Variants in ZNF76 observed in about 807,000 individuals in gnomAD.
ZNF76 encodes zinc finger protein 76.
Under a neutral mutation model 66.9 loss-of-function variants are expected in ZNF76, and 66 were observed. That is an observed-to-expected ratio of 0.99 (90% confidence interval 0.81 to 1.21). The LOEUF (loss-of-function observed/expected upper bound fraction) is 1.21. Among genes scored for constraint, ZNF76 ranks in the 50% most tolerant of loss-of-function variants. The probability of loss-of-function intolerance (pLI) is 0.00; values close to 1 mark genes in which losing one functional copy is unlikely to be tolerated. For missense variants in ZNF76, 729 were observed against 760.3 expected, an observed-to-expected ratio of 0.96 and a Z score of 0.48; for synonymous variants, 275 against 296.1, an observed-to-expected ratio of 0.93 and a Z score of 0.73.
chr6:35,267,228 G>A (rs564919059), intron 1 of ZNF76, among the ~76,000 whole-genome samples: 6 of 152,232 alleles, frequency 3.9e-5, no homozygotes, highest in Non-Finnish European at 5.9e-5. Context: ...CTCCTGAGTA[G>A]CTGGGACTAC....
At chr6:35,259,615 G>C (rs561483627), upstream of ZNF76, 1 of 151,688 alleles carries the variant, frequency 6.6e-6, no homozygotes, top group Non-Finnish European at 1.5e-5. Context: ...GCGGCGAAGC[G>C]GGGGGCGGGG....
At position 35,292,022 on chromosome 6, in the gene ZNF76, A is replaced by C; in HGVS notation, c.931+285A>C. ...CCCTGAGTTCTCCAACTCTGACTGA[A>C]CTCTTGAAAAGAGGCCAGGGTCAGG... On this transcript the variant is annotated intron_variant, in intron 9 of 13. Transcript: ENST00000373953. This position sits in a 1 kb window ranked among gnomAD's most constrained non-coding sequence, Gnocchi z 4.7. The C allele has an allele frequency of 1.9e-6, 1 of 516,144 alleles. No individual in the cohort carries two copies. The highest frequency in any genetic ancestry group is 3.5e-6 in the Non-Finnish European group (1 of 283,594). The allele number at this position is 516,144 out of a possible 1,614,324, so 32.0% of individuals were successfully genotyped here. A position where few individuals can be genotyped will look rare whatever the true frequency, so the allele number is the denominator to read the frequency against.
At chr6:35,263,622 T>C (rs972487425) in intron 1 of ZNF76, among the ~76,000 whole-genome samples, 3 of 152,214 alleles carry the variant, frequency 2.0e-5, no homozygotes, top group African/African-American at 7.2e-5. Context: ...TGGGTGGATT[T>C]TAAAAAGGAG....
intron 1 of ZNF76, among the ~76,000 whole-genome samples, chr6:35,260,524 C>G (rs925632799): frequency 1.3e-5 from 2 of 152,164 alleles, no homozygotes; most frequent in African/African-American, 4.8e-5. Context: ...CAGTGTCAAT[C>G]AGCACATGAC....
At chr6:35,285,346 G>A (rs759927110) in intron 2 of ZNF76, among the ~76,000 whole-genome samples, 12 of 152,216 alleles carry the variant, frequency 7.9e-5, no homozygotes, top group Non-Finnish European at 1.5e-4. Flanking sequence ...TGCTCACATA[G>A]TTCTCTATTG....
intron 1 of ZNF76, among the ~76,000 whole-genome samples, chr6:35,260,254 C>G (rs935900648): frequency 1.3e-5 from 2 of 152,078 alleles, no homozygotes; most frequent in African/African-American, 4.8e-5. Context: ...TCCCCACACT[C>G]CTCCTTAGTG....
At chr6:35,266,440 C>T (rs540290171) in intron 1 of ZNF76, among the ~76,000 whole-genome samples, 2 of 152,230 alleles carry the variant, frequency 1.3e-5, no homozygotes, top group South Asian at 4.1e-4. Context: ...GGTAAAATTC[C>T]CATCTACTGA....
chr6:35,267,237 A>G (rs1285828732), intron 1 of ZNF76, among the ~76,000 whole-genome samples: 3 of 152,128 alleles, frequency 2.0e-5, no homozygotes, highest in South Asian at 2.1e-4. Context: ...AGCTGGGACT[A>G]CAGAGATGGG....
intron 1 of ZNF76, among the ~76,000 whole-genome samples, chr6:35,263,389 A>G (rs1483522076): frequency 2.6e-5 from 4 of 152,094 alleles, no homozygotes; most frequent in South Asian, 2.1e-4. Context: ...AATTAGCCCC[A>G]TTGTTTTCCA....
At chr6:35,260,878 A>T (rs915879114) in intron 1 of ZNF76, among the ~76,000 whole-genome samples, 1 of 152,184 alleles carries the variant, frequency 6.6e-6, no homozygotes, top group East Asian at 1.9e-4. Context: ...ACCTCATCCC[A>T]GGATCTGCTT....
chr6:35,274,981 C>T (rs751375614), intron 1 of ZNF76, among the ~76,000 whole-genome samples: 1 of 151,850 alleles, frequency 6.6e-6, no homozygotes, highest in Non-Finnish European at 1.5e-5. Context: ...GGTGAAACCC[C>T]GTCTCTACTA....
Position 35,292,831 on chromosome 6 carries a change from C to G in ZNF76, c.1165+44C>G. ...GGGTGAGAGTGGGGACAAGCCAGGC[C>G]TCCCCATGGCATCTGGTAGCAGATG... is the stretch of plus-strand genomic sequence containing the variant. On this transcript the variant is annotated intron_variant, in intron 10 of 13. Transcript: ENST00000373953. The surrounding 1 kb of genome is among the most constrained non-coding windows in gnomAD (Gnocchi z 4.7). The G allele has an allele frequency of 6.2e-7, 1 of 1,613,690 alleles. No individual in the cohort carries two copies.
intron 7 of ZNF76, 150 bp from the exon 8 acceptor site, chr6:35,291,128 T>C (rs1459001284): frequency 9.5e-7 from 1 of 1,053,842 alleles, no homozygotes; most frequent in Non-Finnish European, 1.3e-6. Flanking sequence ...GAGTGGGCTT[T>C]TCCAGCCCCT....
At chr6:35,284,792 C>T (rs1789299674) in intron 2 of ZNF76, among the ~76,000 whole-genome samples, 1 of 152,290 alleles carries the variant, frequency 6.6e-6, no homozygotes, top group South Asian at 2.1e-4. Context: ...CTTACTGCAA[C>T]TTCTGCCTCC....
chr6:35,291,092 C>A, intron 7 of ZNF76, 186 bp from the exon 8 acceptor site: 1 of 689,404 alleles, frequency 1.5e-6, no homozygotes, highest in Non-Finnish European at 2.4e-6. Context: ...ATGGCTCCAA[C>A]TGCTCCTGGA....
chr6:35,291,261 C>T lies in ZNF76; in HGVS notation c.626-17C>T, dbSNP rs776435256. 1 of 1,597,702 alleles carries T rather than the reference C, an allele frequency of 6.3e-7. No homozygotes were observed. The highest frequency in any genetic ancestry group is 1.7e-5 in the Admixed American group (1 of 57,356). ...ACTGGGTGCTCATCTCACCCCCTGC[C>T]TGCCACATATGGACAGGCTATGGAC... On this transcript the variant is annotated splice_polypyrimidine_tract_variant and intron_variant, in intron 7 of 13. Coordinates refer to ENST00000373953, the MANE Select transcript of ZNF76 (RefSeq NM_003427.5).
At chr6:35,286,742 G>A (rs948304462) in intron 4 of ZNF76, 20 of 370,596 alleles carry the variant, frequency 5.4e-5, no homozygotes, top group African/African-American at 3.9e-4. Flanking sequence ...TTAGAATGAA[G>A]CTCCTAAGGT....
intron 5 of ZNF76, among the ~76,000 whole-genome samples, chr6:35,289,798 G>A (rs1264008188): frequency 2.0e-5 from 3 of 152,176 alleles, no homozygotes; most frequent in Non-Finnish European, 2.9e-5. Context: ...TCCACAGCAA[G>A]CCCCCTTGTT....
intron 1 of ZNF76, among the ~76,000 whole-genome samples, chr6:35,278,062 T>C (rs1246049483): frequency 6.6e-6 from 1 of 152,210 alleles, no homozygotes; most frequent in Non-Finnish European, 1.5e-5. Context: ...TTCACCCTGT[T>C]AGTCAGGATG....
Sources: gnomAD v4.1 joint callset for allele counts (sites outside exome capture counted in the v4.1 genomes callset) on GRCh38, gnomAD v4.1.1 for gene constraint, Gnocchi (gnomAD v3.1) non-coding constraint, MANE v1.5 for transcripts, NCBI Gene and HGNC (gene_info 2026-07-23, HGNC 2026-07-21) for gene names.